The following DST variants were observed in gnomAD, a reference collection of about 807,000 sequenced individuals.
DST encodes bullous pemphigoid antigen.
Under a neutral mutation model 875.2 loss-of-function variants are expected in DST, and 253 were observed. The observed-to-expected ratio is 0.29, with a 90% CI of 0.26 to 0.32. DST has a LOEUF of 0.32. DST is among the 10% of genes least tolerant of loss of function. DST has a pLI of 1.00. For missense variants in DST, 8,287 were observed against 9,111.6 expected, an observed-to-expected ratio of 0.91 and a Z score of 3.68; for synonymous variants, 3,124 against 3,197.1, an observed-to-expected ratio of 0.98 and a Z score of 0.77.
chr6:56,745,098 T>G (rs1363490550), intron 4 of DST, among the ~76,000 whole-genome samples: 1 of 152,124 alleles, frequency 6.6e-6, no homozygotes, highest in Non-Finnish European at 1.5e-5. Context: ...CACCCTACTT[T>G]TGTTAAAAGG....
chr6:56,689,231 G>A (rs1222872720), intron 9 of DST, among the ~76,000 whole-genome samples: 1 of 152,094 alleles, frequency 6.6e-6, no homozygotes, highest in Non-Finnish European at 1.5e-5. Context: ...GTAGAATCAT[G>A]ATCTAGTACA....
At chr6:56,500,524 C>T (rs2096084089) in intron 80 of DST, among the ~76,000 whole-genome samples, 2 of 151,418 alleles carry the variant, frequency 1.3e-5, no homozygotes, top group South Asian at 4.2e-4. Flanking sequence ...AGGAGTAAGA[C>T]ACAAAAATCC....
chr6:56,600,318 C>A (rs2098434780), intron 44 of DST, 97 bp from the exon 45 acceptor site: 7 of 1,199,734 alleles, frequency 5.8e-6, no homozygotes, highest in Non-Finnish European at 5.9e-6. Flanking sequence ...CAAGTTTTGT[C>A]TAATAAGCTT....
chr6:56,852,944 A>G (rs1440347106), intron 3 of DST, among the ~76,000 whole-genome samples: 2 of 152,180 alleles, frequency 1.3e-5, no homozygotes, highest in Admixed American at 1.3e-4. Context: ...ACGTGAAATA[A>G]ACTCTAATTG....
At chr6:56,809,751 C>T (rs2099757602) in intron 4 of DST, among the ~76,000 whole-genome samples, 1 of 152,080 alleles carries the variant, frequency 6.6e-6, no homozygotes, top group African/African-American at 2.4e-5. Flanking sequence ...CCACCTTGAA[C>T]TAGAACAAGA....
At chr6:56,648,400 C>T (rs1287992413) in intron 13 of DST, among the ~76,000 whole-genome samples, 170 bp downstream of exon 13, 1 of 152,110 alleles carries the variant, frequency 6.6e-6, no homozygotes, top group Non-Finnish European at 1.5e-5. Flanking sequence ...AATGTTTTAC[C>T]TCCATTTTCT....
intron 36 of DST, chr6:56,618,445 G>A: frequency 1.2e-6 from 2 of 1,614,128 alleles, no homozygotes; most frequent in Non-Finnish European, 1.7e-6. Context: ...TTTCACACTG[G>A]AGCAAAACTA....
chr6:56,927,239 T>A (rs753588536), intron 2 of DST, among the ~76,000 whole-genome samples: 1 of 152,144 alleles, frequency 6.6e-6, no homozygotes, highest in Non-Finnish European at 1.5e-5. Context: ...TCCCATTATA[T>A]GATACCAAAC....
At chr6:56,949,360 T>C (rs1291072408) in intron 2 of DST, among the ~76,000 whole-genome samples, 1 of 152,258 alleles carries the variant, frequency 6.6e-6, no homozygotes, top group Non-Finnish European at 1.5e-5. Flanking sequence ...TAGGATTAAT[T>C]TGTCTTTTTT....
intron 9 of DST, among the ~76,000 whole-genome samples, chr6:56,684,912 C>T (rs1045659915): frequency 1.3e-5 from 2 of 152,180 alleles, no homozygotes; most frequent in Non-Finnish European, 2.9e-5. Flanking sequence ...CTGGATCTCT[C>T]ACATGAACTG....
chr6:56,799,153 T>C (rs1344403058), intron 4 of DST, among the ~76,000 whole-genome samples: 1 of 152,194 alleles, frequency 6.6e-6, no homozygotes, highest in Non-Finnish European at 1.5e-5. Flanking sequence ...CTTGAGAAGA[T>C]TAACTCCAAT....
intron 36 of DST, chr6:56,620,085 A>G (rs1268271546): frequency 6.2e-7 from 1 of 1,613,526 alleles, no homozygotes; most frequent in East Asian, 2.2e-5. Context: ...CTTGCTTCCA[A>G]TTCAATTTTC....
chr6:56,619,756 C>T (rs754130559), intron 36 of DST: 1 of 1,614,180 alleles, frequency 6.2e-7, no homozygotes, highest in Non-Finnish European at 8.5e-7. Context: ...CCTGATCCTT[C>T]CTTTCCAGCT....
chr6:56,614,207 GT>G (rs769501197), intron 37 of DST, 148 bp downstream of exon 37: 10 of 638,286 alleles, frequency 1.6e-5, no homozygotes, highest in Non-Finnish European at 2.3e-5. Context: ...CTTTGGGCAA[GT>G]TATTTAATCT....
chr6:56,627,871 T>C, intron 33 of DST, 128 bp downstream of exon 33: 1 of 863,738 alleles, frequency 1.2e-6, no homozygotes, highest in Non-Finnish European at 1.8e-6. Flanking sequence ...ATTTTAATAT[T>C]TTTTATATAC....
chr6:56,633,199 T>A (rs566777983), intron 27 of DST, among the ~76,000 whole-genome samples, 162 bp from the exon 28 acceptor site: 63 of 151,598 alleles, frequency 4.2e-4, no homozygotes, highest in Middle Eastern at 3.4e-3. Context: ...TAGGTGGTTT[T>A]TTTTTGTTTT....
At chr6:56,747,050 A>G (rs960684464) in intron 4 of DST, among the ~76,000 whole-genome samples, 17 of 152,336 alleles carry the variant, frequency 1.1e-4, no homozygotes, top group African/African-American at 4.1e-4. Flanking sequence ...GATACAAAAC[A>G]GTGAAGGCAC....
chr6:56,475,894 G>A (rs545667117), intron 92 of DST, among the ~76,000 whole-genome samples: 1 of 152,236 alleles, frequency 6.6e-6, no homozygotes, highest in South Asian at 2.1e-4. Context: ...GGGAGGGCAG[G>A]AGTGAACGTG....
chr6:56,538,314 T>C (rs760459873), intron 61 of DST, among the ~76,000 whole-genome samples: 2 of 152,162 alleles, frequency 1.3e-5, no homozygotes, highest in Non-Finnish European at 2.9e-5. Flanking sequence ...ATATAGGGCT[T>C]GGAGGATGCC....
Sources: allele counts gnomAD v4.1 joint callset (sites outside exome capture counted in the v4.1 genomes callset), GRCh38; gene constraint gnomAD v4.1.1; transcripts MANE v1.5; gene names NCBI Gene and HGNC (gene_info 2026-07-23, HGNC 2026-07-21).